The following CKAP2 variants were observed in gnomAD, a reference collection of about 807,000 sequenced individuals.
The protein encoded by CKAP2 is cytoskeleton-associated protein 2.
In CKAP2, 46 loss-of-function variants were observed where a neutral mutation model predicts 58.4. The observed-to-expected ratio is 0.79, with a 90% CI of 0.62 to 1.01. CKAP2 has a LOEUF of 1.01. CKAP2 is among the 50% of genes least tolerant of loss of function. The probability of loss-of-function intolerance (pLI) is 0.00; values close to 1 mark genes in which losing one functional copy is unlikely to be tolerated. For missense variants in CKAP2, 809 were observed against 796.4 expected (o/e 1.02, Z -0.19); for synonymous variants, 293 against 280.9 (o/e 1.04, Z -0.43).
At chr13:52,474,844 G>C in intron 8 of CKAP2, 51 bp from the exon 9 acceptor site, 1 of 1,558,972 alleles carries the variant, frequency 6.4e-7, no homozygotes. Flanking sequence ...AAAGTACAGA[G>C]TAAAAATGTT....
intron 7 of CKAP2, among the ~76,000 whole-genome samples, chr13:52,470,686 C>CA (rs1205407239): frequency 6.6e-6 from 1 of 152,004 alleles, no homozygotes; most frequent in Non-Finnish European, 1.5e-5. Context: ...ATGCTTAGTT[C>CA]ATCATGGATT....
At chr13:52,471,912 C>T (rs1958766219) in intron 7 of CKAP2, among the ~76,000 whole-genome samples, 1 of 152,172 alleles carries the variant, frequency 6.6e-6, no homozygotes, top group Non-Finnish European at 1.5e-5. Context: ...AACACTGCAA[C>T]CAAAATGTTC....
rs1958603818 is a variant in CKAP2, at chr13:52,462,569, T to TA, written c.1305+3dup. 10 of 1,607,618 alleles carry TA rather than the reference T, an allele frequency of 6.2e-6. No homozygotes were observed. Among genetic ancestry groups the TA allele is most frequent in the Non-Finnish European group, 8.5e-6 (10 of 1,176,540 alleles). ...GAATGCCTGAACTTGATTAATGAGG[T>TA]AGAGTCTTTATATTTGCTTAGCATT... is the stretch of plus-strand genomic sequence containing the variant. On this transcript the variant is annotated splice_region_variant and intron_variant, in intron 5 of 8. Transcript: ENST00000258607.
intron 7 of CKAP2, among the ~76,000 whole-genome samples, chr13:52,472,994 G>T (rs1408755852): frequency 6.6e-6 from 1 of 151,272 alleles, no homozygotes; most frequent in Non-Finnish European, 1.5e-5. Flanking sequence ...AGTGAGCTAA[G>T]ATTATGCCAC....
rs549334389 is a variant in CKAP2, at chr13:52,468,335, A to G, written c.1534A>G (p.Lys512Glu). ...VDILTMKSQE[K>E]ANLGENMEKS... ...TATTCTAACAATGAAGAGTCAAGAA[A>G]AAGCTAATTTAGGTAAGTTTTAGTT... Residue 512 changes from lysine (K) to glutamate (E), a missense_variant, in exon 7 of 9, where the codon AAA (lysine) becomes GAA (glutamate). Lys to Glu is a moderately conservative substitution (Grantham distance 56). Coordinates refer to ENST00000258607, the MANE Select transcript of CKAP2 (RefSeq NM_018204.5). 19 of 1,593,618 alleles carry G rather than the reference A, an allele frequency of 1.2e-5. No homozygotes were observed. The African/African-American group carries it at 1.8e-4, about 15-fold the overall frequency.
rs116065888 is a variant in CKAP2, at chr13:52,467,482, C to T, written c.1477-796C>T. On this transcript the variant is annotated intron_variant, in intron 6 of 8. Coordinates refer to ENST00000258607, the MANE Select transcript of CKAP2 (RefSeq NM_018204.5). ...CTGTAATCCCAGCACTTTGGGAGGC[C>T]GGCAAATCATGAGGTCAGGAGTTCA... 7.4e-3 allele frequency among the ~76,000 whole-genome samples: 1,131 copies of T among 152,060 alleles called. 6 individuals are homozygous for T. Among genetic ancestry groups the T allele is most frequent in the African/African-American group, 0.017 (703 of 41,478 alleles).
rs191269006 is a variant in CKAP2, at chr13:52,465,012, T to G, written c.1306-283T>G. On this transcript the variant is annotated intron_variant, in intron 5 of 8. Coordinates refer to ENST00000258607, the MANE Select transcript of CKAP2 (RefSeq NM_018204.5). ...TTACAGATTCATTTTAATCTTAATA[T>G]CAAAACCTGATAAAGACGAGGAAAA... is the stretch of plus-strand genomic sequence containing the variant. Among the ~76,000 whole-genome samples the G allele has an allele frequency of 6.6e-5, 10 of 152,254 alleles. No homozygotes were observed. In the East Asian group the frequency reaches 1.9e-3, roughly 29 times the overall value.
At chr13:52,464,566 A>T (rs1268213707) in intron 5 of CKAP2, among the ~76,000 whole-genome samples, 3 of 151,974 alleles carry the variant, frequency 2.0e-5, no homozygotes, top group Non-Finnish European at 4.4e-5. Flanking sequence ...AAAAAAAAAA[A>T]AAAAAAAACA....
rs1457232696 is a variant in CKAP2 at position 52,462,411 on chromosome 13, G to A, written c.1149G>A (p.Arg383=). ...WKAGKGRVLK[R]PPNSVVTQHE... ...CTGGCAAAGGAAGAGTGCTAAAAAG[G>A]CCCCCTAATTCAGTAGTTACTCAGC... Residue 383 remains arginine (R), a synonymous_variant, in exon 5 of 9, where the codon AGG becomes AGA. Transcript: ENST00000258607. 2.5e-6 allele frequency: 4 copies of A among 1,614,012 alleles called. No individual in the cohort carries two copies. The highest frequency in any genetic ancestry group is 2.2e-5 in the East Asian group (1 of 44,836).
At chr13:52,464,248 C>CA (rs202039890) in intron 5 of CKAP2, among the ~76,000 whole-genome samples, 3,272 of 149,630 alleles carry the variant, frequency 0.022, 129 homozygotes, top group African/African-American at 0.076. Flanking sequence ...CTAAAATACT[C>CA]AAAAAAAAAA....
chr13:52,456,525 C>G lies in CKAP2; in HGVS notation c.73C>G (p.Gln25Glu). The G allele has an allele frequency of 6.2e-7, 1 of 1,610,122 alleles. No homozygotes were observed. The highest frequency in any genetic ancestry group is 1.3e-5 in the African/African-American group (1 of 74,828). ...SQRAQSAFKE[Q>E]RRQKLKEHLL... ...TAGCTCTTACCTTTGTTATCTAGAGCAAAGAAGACAAAAACTCAAGGAACA... is the reference window on the plus strand; with the variant it reads ...TAGCTCTTACCTTTGTTATCTAGAGGAAAGAAGACAAAAACTCAAGGAACA... Residue 25 changes from glutamine (Q) to glutamate (E), a missense_variant and splice_region_variant, in exon 2 of 9, where the codon CAA (glutamine) becomes GAA (glutamate). By Grantham distance (29) the Gln-to-Glu change is conservative. Coordinates refer to ENST00000258607, the MANE Select transcript of CKAP2 (RefSeq NM_018204.5).
Position 52,461,742 on chromosome 13 carries a change from G to C in CKAP2, c.916G>C (p.Gly306Arg). 2.5e-6 allele frequency: 4 copies of C among 1,613,578 alleles called. No individual in the cohort carries two copies. The highest frequency in any genetic ancestry group is 3.4e-6 in the Non-Finnish European group (4 of 1,179,714). Residue 306 changes from glycine (G) to arginine (R), a missense_variant, in exon 4 of 9, where the codon GGT (glycine) becomes CGT (arginine). Transcript: ENST00000258607. ...TAGTGTCAAAACCAGTTCTTCTCAA[G>C]GTATAATAAGAAATAAGACTCTATC... is the stretch of plus-strand genomic sequence containing the variant. ...LSSVKTSSSQGIIRNKTLSRS... is the reference protein window; with the variant it reads ...LSSVKTSSSQRIIRNKTLSRS...
Position 52,461,571 on chromosome 13 carries a change from A to G in CKAP2, c.745A>G (p.Thr249Ala), listed in dbSNP as rs1186710966. 2 of 1,614,058 alleles carry G rather than the reference A, an allele frequency of 1.2e-6. No homozygotes were observed. The highest frequency in any genetic ancestry group is 1.3e-5 in the African/African-American group (1 of 74,926). ...ATTTGTGAGCACTACATCTCAGAACACACAACTTGTGCGACCTCCTATTAG... is the reference window on the plus strand; with the variant it reads ...ATTTGTGAGCACTACATCTCAGAACGCACAACTTGTGCGACCTCCTATTAG... ...TKFVSTTSQN[T>A]QLVRPPIRSH... Residue 249 changes from threonine to alanine, a missense_variant, in exon 4 of 9, where the codon ACA becomes GCA. Physicochemically the swap from Thr to Ala is moderately conservative, Grantham distance 58. Coordinates refer to ENST00000258607, the MANE Select transcript of CKAP2 (RefSeq NM_018204.5).
Position 52,465,829 on chromosome 13 carries a change from G to A in CKAP2, c.1476+364G>A, listed in dbSNP as rs1594139370. ...ATATAAAGCAAAAGGGATTAAATTC[G>A]CTTTTTAAATGTTATCAAGCTCTCT... On this transcript the variant is annotated intron_variant, in intron 6 of 8. Transcript: ENST00000258607. The A allele has an allele frequency of 1.8e-5, 7 of 397,012 alleles. 1 individual carries two copies. The highest frequency in any genetic ancestry group is 6.6e-5 in the Admixed American group (2 of 30,234). The allele number at this position is 397,012 out of a possible 1,614,324, so 24.6% of individuals were successfully genotyped here.
rs1004501766 is a variant in CKAP2, at chr13:52,472,569, CTT to C, written c.1547-1258_1547-1257del. On this transcript the variant is annotated intron_variant, in intron 7 of 8. Transcript: ENST00000258607. ...AGCCTAACATGTTTTATTTTGAACT[CTT>C]TGTCTGCCCTCACTGCTTTCCCATG... 5.9e-5 allele frequency among the ~76,000 whole-genome samples: 9 copies of C among 152,052 alleles called. No individual in the cohort carries two copies. The East Asian group carries it at 1.5e-3, about 26-fold the overall frequency.
In CKAP2 at chr13:52,462,489, G is replaced by A. The variant is rs1228018771; in HGVS notation, c.1227G>A (p.Met409Ile). ...CAGTTGGGTCTTTTTGGACTACCAT[G>A]GCAGAAGAAGATGAACAAAGATTAT... The part of the protein sequence containing the change: ...EKPVGSFWTT[M>I]AEEDEQRLFT... Residue 409 changes from methionine to isoleucine, a missense_variant, in exon 5 of 9, where the codon ATG becomes ATA. Transcript: ENST00000258607. The A allele has an allele frequency of 8.1e-6, 13 of 1,613,956 alleles. No homozygotes were observed. Among genetic ancestry groups the A allele is most frequent in the Non-Finnish European group, 1.0e-5 (12 of 1,180,012 alleles).
rs376021112 is a variant in CKAP2, at chr13:52,459,303, A to AAT, written c.156-1581_156-1580dup. 6.3e-3 allele frequency among the ~76,000 whole-genome samples: 959 copies of AAT among 151,118 alleles called. 2 individuals are homozygous for AAT. Among genetic ancestry groups the AAT allele is most frequent in the Middle Eastern group, 0.014 (4 of 290 alleles). On this transcript the variant is annotated intron_variant, in intron 2 of 8. Coordinates refer to ENST00000258607, the MANE Select transcript of CKAP2 (RefSeq NM_018204.5). Reference sequence around the variant, plus strand: ...AACTACTAAATTATGTCAAATGTAAAATATATATATATATATTTTGTTTTG... The same window carrying AAT: ...AACTACTAAATTATGTCAAATGTAAAATATATATATATATATATTTTGTTTTG...
Position 52,475,080 on chromosome 13 carries a change from C to T in CKAP2, c.1988C>T (p.Ala663Val), listed in dbSNP as rs959185768. The T allele has an allele frequency of 3.1e-6, 5 of 1,614,076 alleles. No homozygotes were observed. Among genetic ancestry groups the T allele is most frequent in the Non-Finnish European group, 3.4e-6 (4 of 1,180,036 alleles). ...QLTELGRETD[A>V]FVCRPNAALC... The stretch of plus-strand genomic sequence containing the variant: ...ACGGAGTTGGGAAGAGAAACTGATG[C>T]TTTTGTATGCCGCCCTAATGCAGCA... Residue 663 changes from alanine (A) to valine (V), a missense_variant, in exon 9 of 9, where the codon GCT becomes GTT. Physicochemically the swap from Ala to Val is moderately conservative, Grantham distance 64 (BLOSUM62 0). Around this residue, in one of 3 missense-constraint regions of CKAP2, gnomAD observed 283 missense variants for 287.6 expected, o/e 0.98. Transcript: ENST00000258607.
Position 52,465,483 on chromosome 13 carries a change from TG to T in CKAP2, c.1476+19del. On this transcript the variant is annotated intron_variant, in intron 6 of 8. Transcript: ENST00000258607. ...GGGCTCAGGTAAGATAAAAATTTAC[TG>T]ATCTTTACAATTACAGTGTAGTAGA... The T allele has an allele frequency of 6.3e-7, 1 of 1,597,752 alleles. No homozygotes were observed. The highest frequency in any genetic ancestry group is 8.6e-7 in the Non-Finnish European group (1 of 1,166,782).
Sources: allele counts gnomAD v4.1 joint callset (sites outside exome capture counted in the v4.1 genomes callset), GRCh38; gene constraint gnomAD v4.1.1; regional missense constraint gnomAD v4.1.1; transcripts MANE v1.5; gene names NCBI Gene and HGNC (gene_info 2026-07-23, HGNC 2026-07-21).